Variants in NEXN observed in about 807,000 individuals in gnomAD.
NEXN encodes nexilin F-actin binding protein.
NEXN carries 65 observed loss-of-function variants against 92.6 expected under a neutral mutation model. That is an observed-to-expected ratio of 0.70 (90% CI 0.57 to 0.86). NEXN has a LOEUF of 0.86. NEXN is among the 40% of genes least tolerant of loss of function. NEXN has a pLI of 0.00. For missense variants in NEXN, 778 were observed against 771.1 expected, an observed-to-expected ratio of 1.01 and a Z score of -0.11; for synonymous variants, 254 against 242.5, an observed-to-expected ratio of 1.05 and a Z score of -0.44.
Position 77,942,368 on chromosome 1 carries a change from C to CT in NEXN, c.1660-91dup. ...AGTAGGCACACTTGTATGTTCTTTA[C>CT]TTAAAAAAAAAAATTTCATTTCAAA... On this transcript the variant is annotated intron_variant, in intron 12 of 12. Coordinates refer to ENST00000334785, the MANE Select transcript of NEXN (RefSeq NM_144573.4). 2.1e-6 allele frequency: 3 copies of CT among 1,458,934 alleles called. No individual in the cohort carries two copies. In the African/African-American group the frequency reaches 4.3e-5, roughly 21 times the overall value. 90.4% of individuals were successfully genotyped at this position (1,458,934 alleles called of 1,614,324 possible).
chr1:77,906,997 T>C (rs1648165156), intron 1 of NEXN, among the ~76,000 whole-genome samples: 1 of 152,150 alleles, frequency 6.6e-6, no homozygotes, highest in Non-Finnish European at 1.5e-5. Context: ...CCTTGAAGTG[T>C]TGTTGTAGGA....
intron 1 of NEXN, among the ~76,000 whole-genome samples, chr1:77,891,537 G>A (rs1248175488): frequency 6.6e-6 from 1 of 151,736 alleles, no homozygotes; most frequent in Non-Finnish European, 1.5e-5. Context: ...GAGGTTTCAA[G>A]GTTGGTGAAA....
rs886752581 is a variant in NEXN, at chr1:77,911,051, G to A, written c.-52-5004G>A. Among the ~76,000 whole-genome samples, 53 of 151,926 alleles carry A rather than the reference G, an allele frequency of 3.5e-4. 2 individuals carry two copies. Among genetic ancestry groups the A allele is most frequent in the Non-Finnish European group, 7.4e-5 (5 of 68,000 alleles). On this transcript the variant is annotated intron_variant, in intron 1 of 12. Coordinates refer to ENST00000334785, the MANE Select transcript of NEXN (RefSeq NM_144573.4). ...TGGGGTCTACTATGTTGCCCAGGTTGTTCTTGAACTCCTGGCCTCAAGCAA... is the reference window on the plus strand; with the variant it reads ...TGGGGTCTACTATGTTGCCCAGGTTATTCTTGAACTCCTGGCCTCAAGCAA...
intron 1 of NEXN, among the ~76,000 whole-genome samples, chr1:77,914,788 C>T (rs1485527543): frequency 2.0e-5 from 3 of 148,812 alleles, no homozygotes; most frequent in Non-Finnish European, 3.0e-5. Context: ...AACTGGAAGG[C>T]GGAGGTTGCA....
Position 77,942,940 on chromosome 1 carries a change from C to G in NEXN, c.*111C>G. The stretch of plus-strand genomic sequence containing the variant: ...TCCCCTCCCCTCTCCCTGGAACTTT[C>G]TCTTTCACTCCAACTTTCTTACTAC... On this transcript the variant is annotated 3_prime_UTR_variant, in exon 13 of 13. Transcript: ENST00000334785. 7.1e-7 allele frequency: 1 copy of G among 1,400,070 alleles called. No individual in the cohort carries two copies. Among genetic ancestry groups the G allele is most frequent in the Non-Finnish European group, 9.8e-7 (1 of 1,015,284 alleles). The allele number at this position is 1,400,070 out of a possible 1,614,324, so 86.7% of individuals were successfully genotyped here. A position where few individuals can be genotyped will look rare whatever the true frequency, so the allele number is the denominator to read the frequency against.
intron 11 of NEXN, 168 bp from the exon 12 acceptor site, chr1:77,941,855 C>A (rs1651341104): frequency 4.7e-6 from 3 of 635,036 alleles, no homozygotes; most frequent in Non-Finnish European, 8.3e-6. Context: ...GTATCTATCA[C>A]TTTTCCTGAA....
rs532798404 is a variant in NEXN, at chr1:77,920,441, G to T, written c.447+2168G>T. Among the ~76,000 whole-genome samples, 18 of 151,986 alleles carry T rather than the reference G, an allele frequency of 1.2e-4. No homozygotes were observed. The South Asian group carries it at 3.8e-3, about 32-fold the overall frequency. On this transcript the variant is annotated intron_variant, in intron 5 of 12. Coordinates refer to ENST00000334785, the MANE Select transcript of NEXN (RefSeq NM_144573.4). The stretch of plus-strand genomic sequence containing the variant: ...GACTTGGTGACCTACAAGATTTGGA[G>T]ATTCTAGGATCTTATAATGAATTAA...
rs1262792565 is a variant in NEXN, at chr1:77,942,211, A to G, written c.1659+3A>G. On this transcript the variant is annotated splice_donor_region_variant and intron_variant, in intron 12 of 12. Coordinates refer to ENST00000334785, the MANE Select transcript of NEXN (RefSeq NM_144573.4). ...AAATTGATGCAGCACTACAAAAGGT[A>G]CCAGGCTTATGTATCCTTTATTTTC... is the stretch of plus-strand genomic sequence containing the variant. 6.2e-7 allele frequency: 1 copy of G among 1,612,680 alleles called. No individual in the cohort carries two copies. The highest frequency in any genetic ancestry group is 8.5e-7 in the Non-Finnish European group (1 of 1,178,778).
chr1:77,927,971 A>G (rs1285607391), intron 8 of NEXN, among the ~76,000 whole-genome samples: 6 of 152,146 alleles, frequency 3.9e-5, no homozygotes, highest in African/African-American at 1.4e-4. Flanking sequence ...ATCAACAGAA[A>G]GTAAAACTGA....
intron 1 of NEXN, among the ~76,000 whole-genome samples, chr1:77,893,979 C>T (rs1020706693): frequency 6.6e-5 from 10 of 152,126 alleles, no homozygotes; most frequent in South Asian, 4.1e-4. Flanking sequence ...AGCCATTCGC[C>T]ACCACGCCTG....
chr1:77,937,274 A>G (rs1250549079), intron 11 of NEXN, among the ~76,000 whole-genome samples: 1 of 152,184 alleles, frequency 6.6e-6, no homozygotes, highest in South Asian at 2.1e-4. Context: ...ACTGCACTCC[A>G]GCCTGGGGGT....
chr1:77,918,345 C>T, intron 5 of NEXN, 72 bp downstream of exon 5: 1 of 1,471,188 alleles, frequency 6.8e-7, no homozygotes, highest in Non-Finnish European at 9.5e-7. Flanking sequence ...CAGTATGTTG[C>T]CTAATTAAAA....
At chr1:77,893,740 A>G (rs973738946) in intron 1 of NEXN, among the ~76,000 whole-genome samples, 1 of 152,192 alleles carries the variant, frequency 6.6e-6, no homozygotes, top group Non-Finnish European at 1.5e-5. Context: ...GAAAAGTATC[A>G]CATACTGTCA....
At chr1:77,916,270 C>T (rs1484003626) in intron 2 of NEXN, 137 bp downstream of exon 2, 1 of 535,022 alleles carries the variant, frequency 1.9e-6, no homozygotes, top group Admixed American at 2.9e-5. Flanking sequence ...AGATGTAAAA[C>T]AAGAAGAGAT....
chr1:77,935,126 CA>C (rs1307598225), intron 10 of NEXN, among the ~76,000 whole-genome samples: 1 of 152,154 alleles, frequency 6.6e-6, no homozygotes, highest in Non-Finnish European at 1.5e-5. Context: ...TGCAGTGGCA[CA>C]ATCTCGGCTC....
At position 77,926,286 on chromosome 1, in the gene NEXN, G is replaced by A. The variant is rs1649831043; in HGVS notation, c.490-128G>A. 38 of 624,786 alleles carry A rather than the reference G, an allele frequency of 6.1e-5. 1 individual carries two copies. In the South Asian group the frequency reaches 7.7e-4, roughly 13 times the overall value. 38.7% of individuals were successfully genotyped at this position (624,786 alleles called of 1,614,324 possible). A position where few individuals can be genotyped will look rare whatever the true frequency, so the allele number is the denominator to read the frequency against. On this transcript the variant is annotated intron_variant, in intron 6 of 12. Transcript: ENST00000334785. ...AGTAGGAGATATTTAATAATAATCT[G>A]TAAAAAAATGTTCTTCATAATAACA...
chr1:77,915,543 G>A (rs766089102), intron 1 of NEXN, among the ~76,000 whole-genome samples: 6 of 152,134 alleles, frequency 3.9e-5, no homozygotes, highest in Non-Finnish European at 8.8e-5. Context: ...GTGGGAGAAT[G>A]GTGTGAACCC....
At chr1:77,928,944 G>T (rs115064284) in intron 8 of NEXN, among the ~76,000 whole-genome samples, 7,202 of 152,236 alleles carry the variant, frequency 0.047, 228 homozygotes, top group East Asian at 0.11. Flanking sequence ...TAGAGACGAA[G>T]TCTTGCTATG....
chr1:77,924,028 T>C (rs1007135716), intron 5 of NEXN, among the ~76,000 whole-genome samples: 1 of 152,154 alleles, frequency 6.6e-6, no homozygotes, highest in Non-Finnish European at 1.5e-5. Flanking sequence ...CGTCAAAATA[T>C]AGAGAAAACA....
Sources: allele counts gnomAD v4.1 joint callset (sites outside exome capture counted in the v4.1 genomes callset), GRCh38; gene constraint gnomAD v4.1.1; transcripts MANE v1.5; gene names NCBI Gene and HGNC (gene_info 2026-07-23, HGNC 2026-07-21).